The following AFG2A variants were observed in gnomAD, a reference collection of about 807,000 sequenced individuals.
AFG2A encodes AAA ATPase AFG2A, also known as ATPase family gene 2 protein homolog A.
At chr4:123,123,395 T>G in the AFG2A span, among the ~76,000 whole-genome samples, 1 of 152,324 alleles carries the variant, frequency 6.6e-6, no homozygotes, top group East Asian at 1.9e-4. Flanking sequence ...ACTTTAATCT[T>G]TTAACTTTAC....
chr4:123,140,307 G>T, the AFG2A span, among the ~76,000 whole-genome samples: 1 of 152,022 alleles, frequency 6.6e-6, no homozygotes, highest in African/African-American at 2.4e-5. Flanking sequence ...GGGAGTGCTA[G>T]ATGTACATAG....
chr4:123,114,861 G>A, the AFG2A span, among the ~76,000 whole-genome samples: 23 of 152,358 alleles, frequency 1.5e-4, no homozygotes, highest in African/African-American at 4.8e-4. Context: ...AAACAAACCC[G>A]ATGCTCCCAG....
chr4:123,202,615 T>TA, the AFG2A span, among the ~76,000 whole-genome samples: 1 of 152,198 alleles, frequency 6.6e-6, no homozygotes, highest in African/African-American at 2.4e-5. Flanking sequence ...TATTATTAAT[T>TA]AGACTACATA....
At chr4:123,081,319 G>A in the AFG2A span, among the ~76,000 whole-genome samples, 2 of 152,128 alleles carry the variant, frequency 1.3e-5, no homozygotes, top group African/African-American at 2.4e-5. Context: ...TACAGTCTAC[G>A]TAGTTTTGCC....
chr4:123,177,261 C>T, the AFG2A span, among the ~76,000 whole-genome samples: 10 of 146,494 alleles, frequency 6.8e-5, no homozygotes, highest in South Asian at 1.1e-3. Flanking sequence ...GGCACGGTCT[C>T]GGCTCACTGC....
At chr4:122,981,025 T>A in the AFG2A span, among the ~76,000 whole-genome samples, 1 of 152,330 alleles carries the variant, frequency 6.6e-6, no homozygotes, top group Non-Finnish European at 1.5e-5. Flanking sequence ...TGTCAGTTTT[T>A]GTTTTTCTTG....
the AFG2A span, among the ~76,000 whole-genome samples, chr4:123,063,667 A>G: frequency 6.6e-6 from 1 of 151,988 alleles, no homozygotes; most frequent in South Asian, 2.1e-4. Flanking sequence ...AATGGCGTGA[A>G]CTCAGGAGGC....
the AFG2A span, among the ~76,000 whole-genome samples, chr4:123,005,595 ATCTT>A: frequency 3.4e-4 from 52 of 151,852 alleles, no homozygotes; most frequent in African/African-American, 1.2e-3. Context: ...CTGATTTTAG[ATCTT>A]TCTTCTTTTC....
At chr4:122,928,995 T>C in the AFG2A span, 1 of 1,588,364 alleles carries the variant, frequency 6.3e-7, no homozygotes, top group Non-Finnish European at 8.6e-7. Context: ...GATGGTATTC[T>C]ATGAATATTT....
chr4:123,203,676 T>C, the AFG2A span, among the ~76,000 whole-genome samples: 1 of 152,250 alleles, frequency 6.6e-6, no homozygotes, highest in Non-Finnish European at 1.5e-5. Flanking sequence ...GTTTCCAGTT[T>C]TGGACTATTA....
chr4:122,985,496 C>T, the AFG2A span, among the ~76,000 whole-genome samples: 1 of 152,142 alleles, frequency 6.6e-6, no homozygotes. Context: ...CTAATTCTTC[C>T]TGATTTAAGC....
At chr4:122,956,025 C>T in the AFG2A span, among the ~76,000 whole-genome samples, 6,256 of 152,212 alleles carry the variant, frequency 0.041, 417 homozygotes, top group African/African-American at 0.14. Context: ...TAGGACTTGC[C>T]ATGTTCAGCA....
At chr4:123,111,469 T>A in the AFG2A span, among the ~76,000 whole-genome samples, 1 of 152,240 alleles carries the variant, frequency 6.6e-6, no homozygotes, top group Non-Finnish European at 1.5e-5. Flanking sequence ...AGTCTTATGG[T>A]AGCCTATGAA....
the AFG2A span, among the ~76,000 whole-genome samples, chr4:123,144,790 G>T: frequency 6.6e-6 from 1 of 151,992 alleles, no homozygotes; most frequent in Admixed American, 6.6e-5. Context: ...CTTGAACTTT[G>T]TTTCTTGATT....
chr4:123,229,877 A>G, the AFG2A span, among the ~76,000 whole-genome samples: 2 of 151,946 alleles, frequency 1.3e-5, no homozygotes, highest in Non-Finnish European at 2.9e-5. Flanking sequence ...TACTTTAGAG[A>G]TATCGTATGT....
At chr4:123,109,570 C>T in the AFG2A span, among the ~76,000 whole-genome samples, 2 of 152,136 alleles carry the variant, frequency 1.3e-5, no homozygotes, top group East Asian at 3.8e-4. Context: ...TATTGAGCCT[C>T]ATAGGAAAAG....
the AFG2A span, among the ~76,000 whole-genome samples, chr4:123,083,022 C>T: frequency 0.023 from 3,481 of 152,174 alleles, 136 homozygotes; most frequent in African/African-American, 0.079. Context: ...TGCAACCTTG[C>T]TATAATTGCT....
the AFG2A span, chr4:123,256,308 C>A: frequency 1.0e-6 from 1 of 1,001,900 alleles, no homozygotes; most frequent in Non-Finnish European, 1.4e-6. Context: ...ACAGGAAGTG[C>A]AGTACATGAC....
chr4:123,247,629 T>C, the AFG2A span, among the ~76,000 whole-genome samples: 1 of 145,316 alleles, frequency 6.9e-6, no homozygotes, highest in Non-Finnish European at 1.5e-5. Context: ...GGTTGCGCCA[T>C]GTTGCCTAGG....
Sources: allele counts gnomAD v4.1 joint callset (sites outside exome capture counted in the v4.1 genomes callset), GRCh38; gene constraint gnomAD v4.1.1; transcripts MANE v1.5; gene names NCBI Gene and HGNC (gene_info 2026-07-23, HGNC 2026-07-21).